The following HECW1 variants were observed in gnomAD, a reference collection of about 807,000 sequenced individuals.
HECW1 encodes the protein E3 ubiquitin-protein ligase HECW1.
A neutral mutation model predicts 182.3 loss-of-function variants in HECW1; 61 were observed. That is an observed-to-expected ratio of 0.33 (90% CI 0.27 to 0.41). The LOEUF is 0.41. Ranked by LOEUF, HECW1 falls within the 10% of genes least tolerant of loss-of-function variation. The probability of loss-of-function intolerance (pLI) is 1.00; values close to 1 mark genes in which losing one functional copy is unlikely to be tolerated. For missense variants in HECW1, 1,739 were observed against 2,108.9 expected (o/e 0.82, Z 3.44); for synonymous variants, 859 against 832.6 (o/e 1.03, Z -0.55).
intron 3 of HECW1, chr7:43,274,547 C>T (rs1474011512): frequency 5.5e-6 from 3 of 548,350 alleles, no homozygotes; most frequent in African/African-American, 3.8e-5. Flanking sequence ...CGCCGGGCCA[C>T]GCTTCACCAC....
chr7:43,493,608 C>T (rs189755463), intron 19 of HECW1, among the ~76,000 whole-genome samples: 1 of 152,218 alleles, frequency 6.6e-6, no homozygotes, highest in African/African-American at 2.4e-5. Flanking sequence ...TAACTACTTA[C>T]ATCTTATGCT....
At chr7:43,328,555 G>A (rs1811081597) in intron 5 of HECW1, among the ~76,000 whole-genome samples, 2 of 152,204 alleles carry the variant, frequency 1.3e-5, no homozygotes, top group African/African-American at 2.4e-5. Context: ...AGCCCACGTG[G>A]GAAGACAAGA....
At chr7:43,193,468 G>C (rs555349397) in intron 2 of HECW1, among the ~76,000 whole-genome samples, 4 of 152,120 alleles carry the variant, frequency 2.6e-5, no homozygotes, top group Non-Finnish European at 4.4e-5. Flanking sequence ...TGCACCCTCT[G>C]TCTCCGGGGT....
intron 13 of HECW1, among the ~76,000 whole-genome samples, chr7:43,461,525 A>C (rs1456307283): frequency 3.3e-5 from 5 of 152,236 alleles, no homozygotes; most frequent in Admixed American, 2.6e-4. Context: ...AGTCTTTGGC[A>C]GGCCCCGTTC....
At chr7:43,382,695 G>A (rs77847815) in intron 6 of HECW1, among the ~76,000 whole-genome samples, 10 of 152,248 alleles carry the variant, frequency 6.6e-5, no homozygotes, top group African/African-American at 2.4e-4. Flanking sequence ...GGATAGATGT[G>A]GGGGGAGGGG....
At chr7:43,293,247 GAAAA>G (rs375166174) in intron 3 of HECW1, among the ~76,000 whole-genome samples, 1 of 147,552 alleles carries the variant, frequency 6.8e-6, no homozygotes, top group African/African-American at 2.5e-5. Context: ...GAAAAGAAAA[GAAAA>G]AAAAGAAAAT....
chr7:43,473,910 G>A (rs143689094), intron 16 of HECW1, among the ~76,000 whole-genome samples: 190 of 152,184 alleles, frequency 1.2e-3, no homozygotes, highest in Non-Finnish European at 2.2e-3. Context: ...AAGTAAGTAA[G>A]TAAAGTAAAA....
At chr7:43,150,124 TCTTA>T (rs1562600186) in intron 2 of HECW1, among the ~76,000 whole-genome samples, 4 of 152,244 alleles carry the variant, frequency 2.6e-5, no homozygotes, top group South Asian at 4.1e-4. Context: ...GTTTTAAGTG[TCTTA>T]CTTCATTGTT....
chr7:43,158,644 C>T (rs1185444842), intron 2 of HECW1, among the ~76,000 whole-genome samples: 1 of 152,184 alleles, frequency 6.6e-6, no homozygotes, highest in Non-Finnish European at 1.5e-5. Flanking sequence ...ATGTGCCACA[C>T]ATCTCCCATC....
At chr7:43,496,457 C>G (rs915831823) in intron 19 of HECW1, among the ~76,000 whole-genome samples, 1 of 152,172 alleles carries the variant, frequency 6.6e-6, no homozygotes, top group East Asian at 1.9e-4. Context: ...AGAACTTGTT[C>G]TTCAGGAGGT....
chr7:43,490,701 A>G (rs2152918301), intron 17 of HECW1, among the ~76,000 whole-genome samples: 1 of 152,248 alleles, frequency 6.6e-6, no homozygotes, highest in South Asian at 2.1e-4. Context: ...ACCTTTTACA[A>G]AGGTGATTTT....
intron 17 of HECW1, among the ~76,000 whole-genome samples, chr7:43,481,014 C>T (rs1016774362): frequency 9.9e-5 from 15 of 152,100 alleles, no homozygotes; most frequent in Non-Finnish European, 2.9e-5. Context: ...TTCATGGAGT[C>T]GTCTTAAGTA....
chr7:43,302,193 C>T (rs1562803979), intron 3 of HECW1, among the ~76,000 whole-genome samples: 1 of 152,180 alleles, frequency 6.6e-6, no homozygotes, highest in African/African-American at 2.4e-5. Context: ...TGGCTTACAA[C>T]AGCCTGAGGC....
intron 6 of HECW1, among the ~76,000 whole-genome samples, chr7:43,388,737 C>G (rs576906077): frequency 1.1e-4 from 17 of 152,320 alleles, no homozygotes; most frequent in African/African-American, 4.1e-4. Flanking sequence ...ATTCTCATGC[C>G]TCAGCCCCTC....
chr7:43,541,188 G>A lies in HECW1; in HGVS notation c.4045G>A (p.Gly1349Ser). 3 of 1,614,128 alleles carry A rather than the reference G, an allele frequency of 1.9e-6. No individual in the cohort carries two copies. The highest frequency in any genetic ancestry group is 2.5e-6 in the Non-Finnish European group (3 of 1,179,992). ...EWFRFSGRIL[G>S]LALIHQYLLD... ...GTTCAGGTTTAGCGGTCGCATCCTG[G>A]GTCTGGCTCTGATCCATCAGTACCT... Residue 1349 changes from glycine to serine, a missense_variant, in exon 25 of 30, where the codon GGT (glycine) becomes AGT (serine). Gly to Ser is a moderately conservative substitution (Grantham distance 56). Coordinates refer to ENST00000395891, the MANE Select transcript of HECW1 (RefSeq NM_015052.5).
chr7:43,425,304 T>TGATAGATA (rs60651990), intron 8 of HECW1, among the ~76,000 whole-genome samples: 42,315 of 148,116 alleles, frequency 0.29, 6,301 homozygotes, highest in East Asian at 0.41. Flanking sequence ...GATAGATAGA[T>TGATAGATA]GATAGATAGA....
At chr7:43,430,323 GCCAGTAAAACTCTTTCTAC>G (rs2076505189) in intron 8 of HECW1, among the ~76,000 whole-genome samples, 1 of 152,092 alleles carries the variant, frequency 6.6e-6, no homozygotes, top group South Asian at 2.1e-4. Context: ...CTCTGCCACA[GCCAGTAAAACTCTTTCTAC>G]CCACGGCACA....
intron 2 of HECW1, among the ~76,000 whole-genome samples, chr7:43,180,341 T>C (rs1196687385): frequency 7.2e-6 from 1 of 138,450 alleles, no homozygotes; most frequent in African/African-American, 2.8e-5. Flanking sequence ...GTAATCAAAT[T>C]GACTTATATT....
intron 2 of HECW1, among the ~76,000 whole-genome samples, chr7:43,222,655 G>A (rs980874657): frequency 3.3e-5 from 5 of 151,514 alleles, no homozygotes; most frequent in African/African-American, 7.3e-5. Flanking sequence ...TGCTAACACC[G>A]GAGTTTCAAA....
Sources: gnomAD v4.1 joint callset for allele counts (sites outside exome capture counted in the v4.1 genomes callset) on GRCh38, gnomAD v4.1.1 for gene constraint, MANE v1.5 for transcripts, NCBI Gene and HGNC (gene_info 2026-07-23, HGNC 2026-07-21) for gene names.